ANO6: variants seen among roughly 807,000 people sequenced by gnomAD.
ANO6 encodes anoctamin 6.
A neutral mutation model predicts 117.5 loss-of-function variants in ANO6; 106 were observed. The observed-to-expected ratio is 0.90, with a 90% CI of 0.77 to 1.06. The LOEUF is 1.06. ANO6 is among the 50% of genes least tolerant of loss of function. ANO6 has a pLI of 0.00. For synonymous variants in ANO6, 367 were observed against 385.1 expected, an observed-to-expected ratio of 0.95 and a Z score of 0.55; for missense variants, 955 against 1,121.1, an observed-to-expected ratio of 0.85 and a Z score of 2.12.
chr12:45,223,460 A>G (rs1474004671), intron 1 of ANO6, among the ~76,000 whole-genome samples: 1 of 152,202 alleles, frequency 6.6e-6, no homozygotes, highest in East Asian at 1.9e-4. Flanking sequence ...ATAAGAGAAT[A>G]GAAAAAACAC....
intron 9 of ANO6, among the ~76,000 whole-genome samples, chr12:45,369,423 CTCT>C (rs934896648): frequency 5.3e-5 from 8 of 152,244 alleles, no homozygotes; most frequent in East Asian, 3.9e-4. Flanking sequence ...CCACACCCAC[CTCT>C]TCTTCTTTCT....
chr12:45,365,538 C>T (rs575812635), intron 8 of ANO6, among the ~76,000 whole-genome samples: 2 of 152,296 alleles, frequency 1.3e-5, no homozygotes, highest in Non-Finnish European at 2.9e-5. Context: ...GCAAATCCTG[C>T]GCATGGAGCT....
chr12:45,298,579 G>A (rs1200828324), intron 1 of ANO6, among the ~76,000 whole-genome samples: 1 of 152,170 alleles, frequency 6.6e-6, no homozygotes, highest in East Asian at 1.9e-4. Context: ...ATGAGAGCAA[G>A]AGCTGTGGCT....
At chr12:45,270,512 C>A in intron 1 of ANO6, 2 of 1,250,834 alleles carry the variant, frequency 1.6e-6, no homozygotes, top group Non-Finnish European at 2.2e-6. Context: ...TACTCACCTC[C>A]CATCCAGCCT....
intron 1 of ANO6, among the ~76,000 whole-genome samples, chr12:45,259,079 G>A (rs1415619349): frequency 1.3e-5 from 2 of 152,170 alleles, no homozygotes; most frequent in Non-Finnish European, 2.9e-5. Flanking sequence ...TTGAACTGCA[G>A]AATAGATGTT....
chr12:45,402,393 A>G lies in ANO6; in HGVS notation c.1612+373A>G, dbSNP rs189951774. Among the ~76,000 whole-genome samples the G allele has an allele frequency of 1.1e-3, 170 of 152,160 alleles. 4 individuals carry two copies. In the East Asian group the frequency reaches 0.029, roughly 26 times the overall value. ...TCCTCGGTTGCTGAGAGGACAAGCT[A>G]TCACACTGCTACGTGTCTTCCCTGT... On this transcript the variant is annotated intron_variant, in intron 13 of 19. Transcript: ENST00000320560.
intron 1 of ANO6, among the ~76,000 whole-genome samples, chr12:45,260,430 G>A (rs1177559746): frequency 6.6e-6 from 1 of 152,220 alleles, no homozygotes; most frequent in Non-Finnish European, 1.5e-5. Flanking sequence ...CGATCAGCTT[G>A]CTAAACAATG....
chr12:45,255,651 A>G (rs1436276059), intron 1 of ANO6, among the ~76,000 whole-genome samples: 1 of 152,084 alleles, frequency 6.6e-6, no homozygotes, highest in East Asian at 1.9e-4. Context: ...CTCAATGAGA[A>G]CTCTGGGAGT....
chr12:45,231,267 G>A (rs1187100686), intron 1 of ANO6, among the ~76,000 whole-genome samples: 2 of 152,134 alleles, frequency 1.3e-5, no homozygotes, highest in African/African-American at 2.4e-5. Flanking sequence ...GGTAGTTTGA[G>A]TCATTTCAAA....
intron 12 of ANO6, among the ~76,000 whole-genome samples, chr12:45,396,817 C>G (rs1352740147): frequency 6.6e-6 from 1 of 152,162 alleles, no homozygotes; most frequent in Non-Finnish European, 1.5e-5. Flanking sequence ...TTCCTTACAC[C>G]TTGTACAAAA....
chr12:45,427,936 CAAAAAAAAAAA>C (rs35996135), intron 19 of ANO6, among the ~76,000 whole-genome samples: 3 of 62,966 alleles, frequency 4.8e-5, no homozygotes, highest in Non-Finnish European at 1.1e-4. Context: ...GACTCTGCCT[CAAAAAAAAAAA>C]AAAAAAAAAA....
chr12:45,429,570 A>T lies in ANO6; in HGVS notation c.*259A>T. ...TTCTGATAAATTGGAATTTTACAGA[A>T]AAAGTCCCTCAGTGTGCTTAAAAAC... On this transcript the variant is annotated 3_prime_UTR_variant, in exon 20 of 20. Transcript: ENST00000320560. The T allele has an allele frequency of 2.4e-6, 3 of 1,274,680 alleles. No homozygotes were observed. Among genetic ancestry groups the T allele is most frequent in the Admixed American group, 7.3e-5 (2 of 27,216 alleles). The allele number at this position is 1,274,680 out of a possible 1,614,324, so 79.0% of individuals were successfully genotyped here. A position where few individuals can be genotyped will look rare whatever the true frequency, so the allele number is the denominator to read the frequency against.
At chr12:45,331,452 T>G in intron 3 of ANO6, 29 bp downstream of exon 3, 1 of 1,573,514 alleles carries the variant, frequency 6.4e-7, no homozygotes, top group Middle Eastern at 1.8e-4. Context: ...TTCCTTTCTT[T>G]TTATTTCTTA....
intron 12 of ANO6, among the ~76,000 whole-genome samples, chr12:45,397,192 C>G (rs909140242): frequency 6.6e-6 from 1 of 151,850 alleles, no homozygotes; most frequent in Non-Finnish European, 1.5e-5. Context: ...TGAACAGACA[C>G]TTTTCAAAAG....
chr12:45,279,001 ATCTTT>A (rs528125626), intron 1 of ANO6, among the ~76,000 whole-genome samples: 5 of 152,214 alleles, frequency 3.3e-5, no homozygotes, highest in African/African-American at 4.8e-5. Context: ...TTCAGCAGTA[ATCTTT>A]TGTGTAATCT....
At chr12:45,239,531 T>G (rs1026689376) in intron 1 of ANO6, among the ~76,000 whole-genome samples, 1 of 151,986 alleles carries the variant, frequency 6.6e-6, no homozygotes, top group Non-Finnish European at 1.5e-5. Flanking sequence ...AAGGGTTTTT[T>G]GTGTTTCTGT....
chr12:45,366,850 GA>G (rs1242945280), intron 8 of ANO6, among the ~76,000 whole-genome samples: 2 of 152,030 alleles, frequency 1.3e-5, no homozygotes, highest in African/African-American at 4.8e-5. Flanking sequence ...TTACACTATT[GA>G]AATGGTACTT....
chr12:45,220,411 T>G (rs902059823), intron 1 of ANO6, among the ~76,000 whole-genome samples: 1 of 152,154 alleles, frequency 6.6e-6, no homozygotes, highest in African/African-American at 2.4e-5. Context: ...TTACATAGAC[T>G]TATCTTCCCA....
Position 45,357,182 on chromosome 12 carries a change from G to A in ANO6, c.864-108G>A, listed in dbSNP as rs1396382519. On this transcript the variant is annotated intron_variant, in intron 7 of 19. Transcript: ENST00000320560. ...AATGTTTTAAGGGTGAATTGAGTCA[G>A]ATTTAAGCTTAAAGCCTCTCCTTTA... 3.8e-6 allele frequency: 5 copies of A among 1,311,068 alleles called. No homozygotes were observed. In the African/African-American group the frequency reaches 7.3e-5, roughly 19 times the overall value. The allele number at this position is 1,311,068 out of a possible 1,614,324, so 81.2% of individuals were successfully genotyped here. A position where few individuals can be genotyped will look rare whatever the true frequency, so the allele number is the denominator to read the frequency against.
Sources: allele counts gnomAD v4.1 joint callset (sites outside exome capture counted in the v4.1 genomes callset), GRCh38; gene constraint gnomAD v4.1.1; transcripts MANE v1.5; gene names NCBI Gene and HGNC (gene_info 2026-07-23, HGNC 2026-07-21).